NEDD9: variants seen among roughly 807,000 people sequenced by gnomAD.
The protein encoded by NEDD9 is enhancer of filamentation 1.
A neutral mutation model predicts 76.6 loss-of-function variants in NEDD9; 26 were observed. That is an observed-to-expected ratio of 0.34 (90% CI 0.25 to 0.47). The LOEUF is 0.47. Among genes scored for constraint, NEDD9 ranks in the 20% least tolerant of loss-of-function variants. The pLI is 1.00. For synonymous variants in NEDD9, 392 were observed against 414.2 expected, an observed-to-expected ratio of 0.95 and a Z score of 0.65; for missense variants, 937 against 1,058.5, an observed-to-expected ratio of 0.89 and a Z score of 1.59.
At chr6:11,359,036 TAG>T (rs1184749205) in intron 1 of NEDD9, among the ~76,000 whole-genome samples, 2 of 152,174 alleles carry the variant, frequency 1.3e-5, no homozygotes, top group Admixed American at 6.5e-5. Context: ...CTGAAAAGCT[TAG>T]AGAGACTTGA....
At chr6:11,263,131 G>A (rs535768384) in intron 3 of NEDD9, among the ~76,000 whole-genome samples, 2 of 152,082 alleles carry the variant, frequency 1.3e-5, no homozygotes, top group African/African-American at 4.8e-5. Flanking sequence ...TTAAATATAC[G>A]TTCGATGCAG....
intron 1 of NEDD9, among the ~76,000 whole-genome samples, chr6:11,345,847 A>G (rs1203535806): frequency 1.3e-5 from 2 of 152,192 alleles, no homozygotes; most frequent in African/African-American, 2.4e-5. Flanking sequence ...AGCATAAACA[A>G]TTTCCAAGTT....
Position 11,196,277 on chromosome 6 carries a change from C to T in NEDD9, c.460-2585G>A, listed in dbSNP as rs987197603. ...CAAGATCGTTCCACTGCACTCCAGC[C>T]TGGGTGACAGAGAGAGACTCTGTCT... is the stretch of plus-strand genomic sequence containing the variant. On this transcript the variant is annotated intron_variant, in intron 2 of 6. Transcript: ENST00000379446. 2.0e-5 allele frequency among the ~76,000 whole-genome samples: 3 copies of T among 152,108 alleles called. No individual in the cohort carries two copies. The East Asian group carries it at 5.8e-4, about 29-fold the overall frequency.
chr6:11,194,787 A>T (rs750723073), intron 2 of NEDD9, among the ~76,000 whole-genome samples: 12 of 152,338 alleles, frequency 7.9e-5, no homozygotes, highest in Middle Eastern at 3.4e-3. Flanking sequence ...AATCTTACCT[A>T]GCAGCCTCCT....
chr6:11,256,764 G>A (rs987518230), intron 3 of NEDD9, among the ~76,000 whole-genome samples: 25 of 152,140 alleles, frequency 1.6e-4, no homozygotes, highest in Admixed American at 2.6e-4. Context: ...CTGCCCGGTC[G>A]AATTCTGATA....
At chr6:11,357,682 G>A (rs1043825069) in intron 1 of NEDD9, among the ~76,000 whole-genome samples, 1 of 152,220 alleles carries the variant, frequency 6.6e-6, no homozygotes, top group African/African-American at 2.4e-5. Context: ...CTTCGGTGCT[G>A]ATCATGCAGA....
At position 11,191,099 on chromosome 6, in the gene NEDD9, G is replaced by C. The variant is rs781622312; in HGVS notation, c.770C>G (p.Pro257Arg). 3.7e-6 allele frequency: 6 copies of C among 1,613,814 alleles called. No individual in the cohort carries two copies. The highest frequency in any genetic ancestry group is 5.1e-6 in the Non-Finnish European group (6 of 1,180,010). Reference sequence around the variant, plus strand: ...TGGAGGAATGTCATAAACCCCCTCCGGTCTGAGGTCCGGCCTTCCAGCTTG... The same window carrying C: ...TGGAGGAATGTCATAAACCCCCTCCCGTCTGAGGTCCGGCCTTCCAGCTTG... ...MRQAGRPDLR[P>R]EGVYDIPPTC... Residue 257 changes from proline to arginine, a missense_variant, in exon 5 of 7, where the codon CCG (proline) becomes CGG (arginine). Transcript: ENST00000379446.
chr6:11,314,534 G>T (rs1345903789), intron 2 of NEDD9, among the ~76,000 whole-genome samples: 1 of 152,160 alleles, frequency 6.6e-6, no homozygotes, highest in Non-Finnish European at 1.5e-5. Flanking sequence ...ATTGAGCAAG[G>T]CAGCTTTTAT....
intron 2 of NEDD9, among the ~76,000 whole-genome samples, chr6:11,316,653 G>T (rs921117222): frequency 1.3e-5 from 2 of 152,190 alleles, no homozygotes; most frequent in African/African-American, 4.8e-5. Context: ...CTAATTCATT[G>T]AAGGGGCAGT....
intron 5 of NEDD9, among the ~76,000 whole-genome samples, chr6:11,188,792 G>A (rs948444116): frequency 6.6e-6 from 1 of 152,158 alleles, no homozygotes; most frequent in Non-Finnish European, 1.5e-5. Flanking sequence ...CTCAGCATCA[G>A]GTGGGGCTCA....
chr6:11,362,228 A>G (rs73722915), intron 1 of NEDD9, among the ~76,000 whole-genome samples: 3,947 of 152,312 alleles, frequency 0.026, 176 homozygotes, highest in African/African-American at 0.09. Context: ...AGCAATCTGC[A>G]ACCCAGAGGA....
At chr6:11,223,681 C>T (rs188028927) in intron 1 of NEDD9, among the ~76,000 whole-genome samples, 5 of 152,184 alleles carry the variant, frequency 3.3e-5, no homozygotes, top group East Asian at 3.8e-4. Context: ...GAGGCGAGAG[C>T]GCCCATGCCA....
At chr6:11,200,979 G>A (rs1363710592) in intron 2 of NEDD9, 5 of 1,614,246 alleles carry the variant, frequency 3.1e-6, no homozygotes, top group East Asian at 2.2e-5. Flanking sequence ...TTCAGTGGAG[G>A]TTCACAAGCT....
intron 1 of NEDD9, among the ~76,000 whole-genome samples, chr6:11,341,893 T>G (rs1762280990): frequency 6.6e-6 from 1 of 152,200 alleles, no homozygotes; most frequent in East Asian, 1.9e-4. Context: ...ATAAAGACAT[T>G]AAAACATATA....
chr6:11,268,310 C>T (rs1022576237), intron 3 of NEDD9, among the ~76,000 whole-genome samples: 6 of 152,000 alleles, frequency 3.9e-5, no homozygotes, highest in African/African-American at 9.7e-5. Flanking sequence ...GGATTACAGG[C>T]GGGAGCCACC....
rs1433739146 is a variant in NEDD9 at position 11,304,569 on chromosome 6, A to G, written c.12+1423T>C. Among the ~76,000 whole-genome samples, 3 of 152,276 alleles carry G rather than the reference A, an allele frequency of 2.0e-5. No homozygotes were observed. In the South Asian group the frequency reaches 6.2e-4, roughly 32 times the overall value. ...TTGGAACCAACCCAAATATCCATCAATGATAGACTGGATTGAGAAAATGTG... is the reference window on the plus strand; with the variant it reads ...TTGGAACCAACCCAAATATCCATCAGTGATAGACTGGATTGAGAAAATGTG... On this transcript the variant is annotated intron_variant, in intron 3 of 3. Transcript: ENST00000397378.
chr6:11,266,776 T>A (rs1228288887), intron 3 of NEDD9, among the ~76,000 whole-genome samples: 1 of 152,184 alleles, frequency 6.6e-6, no homozygotes, highest in Non-Finnish European at 1.5e-5. Flanking sequence ...GGGTCTCTGA[T>A]CTCAACCCTA....
intron 2 of NEDD9, chr6:11,328,860 C>T (rs368713929): frequency 1.3e-5 from 2 of 152,266 alleles, no homozygotes; most frequent in African/African-American, 4.8e-5. Context: ...AAGACGCCCT[C>T]TCCATGAGAT....
rs575306535 is a variant in NEDD9 at position 11,299,003 on chromosome 6, G to T, written c.12+6989C>A. Among the ~76,000 whole-genome samples, 9 of 152,338 alleles carry T rather than the reference G, an allele frequency of 5.9e-5. No individual in the cohort carries two copies. In the East Asian group the frequency reaches 1.7e-3, roughly 29 times the overall value. On this transcript the variant is annotated intron_variant, in intron 3 of 3. Transcript: ENST00000397378. ...TGGGACCGGTTGGACAGTGGATGCA[G>T]CCCATGGAGGGTGAGCTGAAGCAGG... is the stretch of plus-strand genomic sequence containing the variant.
Sources: allele counts gnomAD v4.1 joint callset (sites outside exome capture counted in the v4.1 genomes callset), GRCh38; gene constraint gnomAD v4.1.1; transcripts MANE v1.5; gene names NCBI Gene and HGNC (gene_info 2026-07-23, HGNC 2026-07-21).